Variants in FRMD6 observed in about 807,000 individuals in gnomAD.
FRMD6 encodes FERM domain containing 6.
FRMD6 carries 37 observed loss-of-function variants against 73.2 expected under a neutral mutation model. That is an observed-to-expected ratio of 0.51 (90% CI 0.39 to 0.66). The LOEUF is 0.66. Among genes scored for constraint, FRMD6 ranks in the 30% least tolerant of loss-of-function variants. The pLI is 0.00. For missense variants in FRMD6, 714 were observed against 780.5 expected, an observed-to-expected ratio of 0.91 and a Z score of 1.02; for synonymous variants, 273 against 282.2, an observed-to-expected ratio of 0.97 and a Z score of 0.33.
intron 2 of FRMD6, among the ~76,000 whole-genome samples, chr14:51,692,094 G>A (rs193276494): frequency 6.6e-6 from 1 of 152,046 alleles, no homozygotes; most frequent in Admixed American, 6.5e-5. Context: ...TGCTTCTAGG[G>A]ATTGTCTGAG....
At chr14:51,532,800 GC>G (rs927310202) in intron 1 of FRMD6, among the ~76,000 whole-genome samples, 39 of 152,196 alleles carry the variant, frequency 2.6e-4, no homozygotes, top group African/African-American at 9.4e-4. Flanking sequence ...TTCAGATCTG[GC>G]CCACAAACTG....
intron 5 of FRMD6, among the ~76,000 whole-genome samples, chr14:51,703,386 G>T (rs951446466): frequency 1.3e-5 from 2 of 151,996 alleles, no homozygotes; most frequent in Admixed American, 6.6e-5. Flanking sequence ...AATACATATG[G>T]CTAGTGAGTT....
the FRMD6 span, among the ~76,000 whole-genome samples, chr14:51,463,484 T>C: frequency 1.3e-5 from 2 of 152,246 alleles, no homozygotes; most frequent in Non-Finnish European, 2.9e-5. Context: ...CAATTTGCAG[T>C]TGGTTAAATC....
chr14:51,459,015 T>A, the FRMD6 span, among the ~76,000 whole-genome samples: 1 of 152,330 alleles, frequency 6.6e-6, no homozygotes, highest in African/African-American at 2.4e-5. Flanking sequence ...CTCCTTCGTA[T>A]CTGTCAGAAG....
chr14:51,466,087 C>G, the FRMD6 span, among the ~76,000 whole-genome samples: 40 of 152,266 alleles, frequency 2.6e-4, no homozygotes, highest in East Asian at 7.7e-3. Context: ...TTATCAGGCA[C>G]TTGTACATTT....
chr14:51,539,877 A>G (rs372587884), intron 1 of FRMD6, among the ~76,000 whole-genome samples: 11 of 152,238 alleles, frequency 7.2e-5, no homozygotes, highest in African/African-American at 2.6e-4. Context: ...GAAAAGATTC[A>G]TTTACTTTCC....
chr14:51,560,745 A>C (rs1250503507), intron 1 of FRMD6, among the ~76,000 whole-genome samples: 1 of 152,116 alleles, frequency 6.6e-6, no homozygotes. Context: ...CAGACTCCCA[A>C]AGTGCTGGGA....
the FRMD6 span, among the ~76,000 whole-genome samples, chr14:51,418,667 C>G: frequency 6.6e-6 from 1 of 152,232 alleles, no homozygotes; most frequent in African/African-American, 2.4e-5. Flanking sequence ...TGTCCATTCT[C>G]TGAGCTCAAA....
intron 2 of FRMD6, among the ~76,000 whole-genome samples, chr14:51,628,781 A>C (rs1891212347): frequency 8.6e-6 from 1 of 116,900 alleles, no homozygotes. Context: ...AGCCTGGGTG[A>C]CAGAGCAAGA....
chr14:51,661,313 C>T (rs1465863709), intron 1 of FRMD6, among the ~76,000 whole-genome samples: 1 of 152,180 alleles, frequency 6.6e-6, no homozygotes, highest in African/African-American at 2.4e-5. Flanking sequence ...AAATCACACA[C>T]ATAATCCAAG....
At chr14:51,683,006 T>C (rs554608584) in intron 1 of FRMD6, among the ~76,000 whole-genome samples, 1 of 152,312 alleles carries the variant, frequency 6.6e-6, no homozygotes, top group East Asian at 1.9e-4. Context: ...TTCCATTCTT[T>C]GGTCAGCCAG....
At chr14:51,628,900 G>A (rs1378538724) in intron 2 of FRMD6, among the ~76,000 whole-genome samples, 4 of 108,490 alleles carry the variant, frequency 3.7e-5, no homozygotes, top group African/African-American at 1.1e-4. Context: ...TTTTTGAGAC[G>A]GAGTCTCGCT....
rs955870155 is a variant in FRMD6, at chr14:51,728,199, G to T, written c.*170G>T. On this transcript the variant is annotated 3_prime_UTR_variant, in exon 14 of 14. Coordinates refer to ENST00000344768, the MANE Select transcript of FRMD6 (RefSeq NM_001267046.2). ...AAGCCTTGGAACAATTGCACTTTAA[G>T]TATTACACAGAAGTAAAAGAACTAC... The T allele has an allele frequency of 4.4e-5, 28 of 633,950 alleles. No homozygotes were observed. Among genetic ancestry groups the T allele is most frequent in the Non-Finnish European group, 5.5e-5 (21 of 378,650 alleles). The allele number at this position is 633,950 out of a possible 1,614,324, so 39.3% of individuals were successfully genotyped here.
chr14:51,531,090 A>C (rs544090269), intron 1 of FRMD6, among the ~76,000 whole-genome samples: 17 of 152,264 alleles, frequency 1.1e-4, no homozygotes, highest in African/African-American at 4.1e-4. Flanking sequence ...AATAGGCATT[A>C]ATCTGTTTAT....
intron 2 of FRMD6, among the ~76,000 whole-genome samples, chr14:51,697,314 A>G (rs1174305138): frequency 6.6e-6 from 1 of 152,194 alleles, no homozygotes; most frequent in African/African-American, 2.4e-5. Flanking sequence ...ACATACACAC[A>G]GTGGAACACA....
At chr14:51,430,898 G>C in the FRMD6 span, among the ~76,000 whole-genome samples, 1 of 152,202 alleles carries the variant, frequency 6.6e-6, no homozygotes, top group Non-Finnish European at 1.5e-5. Flanking sequence ...CTGTGGTGTG[G>C]CTCTGAAATG....
the FRMD6 span, among the ~76,000 whole-genome samples, chr14:51,468,036 C>T: frequency 5.8e-4 from 89 of 152,254 alleles, no homozygotes; most frequent in African/African-American, 2.0e-3. Context: ...AGTCTGCAAT[C>T]CCGGCACCTC....
intron 1 of FRMD6, among the ~76,000 whole-genome samples, chr14:51,667,663 C>G (rs1419406008): frequency 6.6e-6 from 1 of 152,096 alleles, no homozygotes; most frequent in Non-Finnish European, 1.5e-5. Flanking sequence ...GAAGGAGATT[C>G]AGAAACATTG....
At chr14:51,407,934 G>A in the FRMD6 span, among the ~76,000 whole-genome samples, 1 of 152,076 alleles carries the variant, frequency 6.6e-6, no homozygotes, top group Non-Finnish European at 1.5e-5. Context: ...AATTATCTTA[G>A]TTCTCAAATT....
Sources: gnomAD v4.1 joint callset for allele counts (sites outside exome capture counted in the v4.1 genomes callset) on GRCh38, gnomAD v4.1.1 for gene constraint, MANE v1.5 for transcripts, NCBI Gene and HGNC (gene_info 2026-07-23, HGNC 2026-07-21) for gene names.